SLC44A1: variants seen among roughly 807,000 people sequenced by gnomAD.
The protein encoded by SLC44A1 is choline transporter-like protein 1.
SLC44A1 carries 26 observed loss-of-function variants against 79.3 expected under a neutral mutation model. The observed-to-expected ratio is 0.33, with a 90% CI of 0.24 to 0.46. The LOEUF (loss-of-function observed/expected upper bound fraction) is 0.46. Ranked by LOEUF, SLC44A1 falls within the 20% of genes least tolerant of loss-of-function variation. The probability of loss-of-function intolerance (pLI) is 1.00; values close to 1 mark genes in which losing one functional copy is unlikely to be tolerated. For synonymous variants in SLC44A1, 263 were observed against 286.2 expected (o/e 0.92, Z 0.82); for missense variants, 688 against 798.1 (o/e 0.86, Z 1.66).
At chr9:105,292,481 A>T (rs1315431423) in intron 1 of SLC44A1, among the ~76,000 whole-genome samples, 5 of 152,194 alleles carry the variant, frequency 3.3e-5, no homozygotes, top group Admixed American at 2.6e-4. Context: ...AAGCAACTTA[A>T]TGTCCTGTTT....
At chr9:105,437,321 A>G (rs894747114) in intron 15 of SLC44A1, among the ~76,000 whole-genome samples, 2 of 152,118 alleles carry the variant, frequency 1.3e-5, no homozygotes, top group African/African-American at 4.8e-5. Flanking sequence ...ATAGATATCT[A>G]GATATATCTA....
At chr9:105,306,823 C>G (rs1831045250) in intron 2 of SLC44A1, among the ~76,000 whole-genome samples, 1 of 152,038 alleles carries the variant, frequency 6.6e-6, no homozygotes, top group Non-Finnish European at 1.5e-5. Flanking sequence ...ATGTACTTAT[C>G]AAACATAAGA....
In SLC44A1 at chr9:105,244,772, GC is replaced by G; in HGVS notation, c.-95del. The G allele has an allele frequency of 1.5e-6, 1 of 672,882 alleles. No individual in the cohort carries two copies. The allele number at this position is 672,882 out of a possible 1,614,324, so 41.7% of individuals were successfully genotyped here. On this transcript the variant is annotated 5_prime_UTR_variant, in exon 1 of 16. Transcript: ENST00000374720. ...CCGCCGCCTAGCCGTGCGGTGCCAG[GC>G]CGCGCCCTCCCCGGGCGCCCGCCGG...
intron 1 of SLC44A1, among the ~76,000 whole-genome samples, chr9:105,254,694 AC>A (rs1829663698): frequency 6.6e-6 from 1 of 152,114 alleles, no homozygotes; most frequent in African/African-American, 2.4e-5. Context: ...CATTGCTGAA[AC>A]CCCTGTCTTT....
intron 2 of SLC44A1, chr9:105,299,594 T>C (rs2004725): frequency 0.16 from 46,889 of 295,536 alleles, 7,488 homozygotes; most frequent in African/African-American, 0.52. Flanking sequence ...CCATGAGTCA[T>C]GAGCCCTGCA....
intron 2 of SLC44A1, among the ~76,000 whole-genome samples, chr9:105,302,521 T>G (rs1302890424): frequency 6.6e-6 from 1 of 151,872 alleles, no homozygotes; most frequent in Non-Finnish European, 1.5e-5. Context: ...CTTGGTTAAT[T>G]TTTGCATTTT....
chr9:105,297,209 T>C (rs1308207241), intron 1 of SLC44A1, among the ~76,000 whole-genome samples: 1 of 152,234 alleles, frequency 6.6e-6, no homozygotes, highest in Non-Finnish European at 1.5e-5. Flanking sequence ...AATTATACAG[T>C]GTAAGGCAAT....
chr9:105,334,932 A>G (rs1345934087), intron 3 of SLC44A1, among the ~76,000 whole-genome samples: 4 of 152,324 alleles, frequency 2.6e-5, no homozygotes, highest in African/African-American at 9.6e-5. Context: ...AGTAATTGGC[A>G]TTCTTTCTAA....
At chr9:105,293,776 A>G (rs1321305249) in intron 1 of SLC44A1, among the ~76,000 whole-genome samples, 3 of 152,240 alleles carry the variant, frequency 2.0e-5, no homozygotes, top group African/African-American at 7.2e-5. Context: ...TAACATGGAA[A>G]TTTAGATTAA....
In SLC44A1 at chr9:105,256,880, C is replaced by G. The variant is rs796879454; in HGVS notation, c.36+11976C>G. ...TCAGCTCACTTTAACCTCCACCTCC[C>G]AGGTTCAAGCATTCTCCTGCCTCAG... On this transcript the variant is annotated intron_variant, in intron 1 of 15. Coordinates refer to ENST00000374720, the MANE Select transcript of SLC44A1 (RefSeq NM_080546.5). 3.3e-5 allele frequency among the ~76,000 whole-genome samples: 5 copies of G among 151,578 alleles called. No individual in the cohort carries two copies. The East Asian group carries it at 5.8e-4, about 18-fold the overall frequency.
chr9:105,269,673 TC>T (rs972292084), intron 1 of SLC44A1, among the ~76,000 whole-genome samples: 1 of 152,226 alleles, frequency 6.6e-6, no homozygotes, highest in African/African-American at 2.4e-5. Context: ...GCATTCACTT[TC>T]TTCCCCCTTT....
chr9:105,434,658 CA>C (rs1829440868), intron 15 of SLC44A1, among the ~76,000 whole-genome samples: 1 of 152,144 alleles, frequency 6.6e-6, no homozygotes, highest in Non-Finnish European at 1.5e-5. Flanking sequence ...CTGACACAAA[CA>C]GAAGATTCAG....
chr9:105,252,614 A>G (rs1428027275), intron 1 of SLC44A1, among the ~76,000 whole-genome samples: 1 of 152,196 alleles, frequency 6.6e-6, no homozygotes, highest in African/African-American at 2.4e-5. Context: ...CGCTCAAGTA[A>G]TGGACCAGTC....
chr9:105,400,549 A>G (rs548191243), downstream of SLC44A1, among the ~76,000 whole-genome samples: 34 of 152,128 alleles, frequency 2.2e-4, no homozygotes, highest in South Asian at 6.2e-4. Context: ...TTATTGGCCA[A>G]TTGTTGACAT....
intron 5 of SLC44A1, 29 bp downstream of exon 5, chr9:105,348,480 G>C (rs762707611): frequency 1.5e-6 from 2 of 1,316,778 alleles, no homozygotes; most frequent in South Asian, 2.4e-5. Flanking sequence ...TTGTTAACTT[G>C]TGACTGTTGT....
At chr9:105,328,626 G>T (rs1159288894) in intron 3 of SLC44A1, among the ~76,000 whole-genome samples, 1 of 152,246 alleles carries the variant, frequency 6.6e-6, no homozygotes, top group East Asian at 1.9e-4. Flanking sequence ...GTTATTTTCA[G>T]CTCTCAGTGC....
intron 15 of SLC44A1, among the ~76,000 whole-genome samples, chr9:105,431,571 G>A (rs1466037661): frequency 6.6e-6 from 1 of 152,188 alleles, no homozygotes; most frequent in Non-Finnish European, 1.5e-5. Context: ...GTAAGAGATT[G>A]ACAGCCTCCT....
At position 105,394,751 on chromosome 9, in the gene SLC44A1, T is replaced by C. The variant is rs943581314; in HGVS notation, c.*5695T>C. 2.0e-6 allele frequency: 2 copies of C among 985,280 alleles called. No individual in the cohort carries two copies. Among genetic ancestry groups the C allele is most frequent in the African/African-American group, 3.5e-5 (2 of 57,228 alleles). The allele number at this position is 985,280 out of a possible 1,614,324, so 61.0% of individuals were successfully genotyped here. A position where few individuals can be genotyped will look rare whatever the true frequency, so the allele number is the denominator to read the frequency against. On this transcript the variant is annotated 3_prime_UTR_variant, in exon 16 of 16. Coordinates refer to ENST00000374720, the MANE Select transcript of SLC44A1 (RefSeq NM_080546.5). ...GTCCATAGTTGGCAAAAAATAAATT[T>C]GGTAGAAAGTTGGAGGAGCAGATGC... is the stretch of plus-strand genomic sequence containing the variant.
At chr9:105,334,771 G>A (rs925549108) in intron 3 of SLC44A1, among the ~76,000 whole-genome samples, 2 of 152,108 alleles carry the variant, frequency 1.3e-5, no homozygotes, top group South Asian at 2.1e-4. Context: ...ATGCTTTGGC[G>A]TGCTTTCTAA....
Sources: allele counts gnomAD v4.1 joint callset (sites outside exome capture counted in the v4.1 genomes callset), GRCh38; gene constraint gnomAD v4.1.1; transcripts MANE v1.5; gene names NCBI Gene and HGNC (gene_info 2026-07-23, HGNC 2026-07-21).